DOCK9: variants seen among roughly 807,000 people sequenced by gnomAD.
DOCK9 encodes dedicator of cytokinesis protein 9.
In DOCK9, 89 loss-of-function variants were observed where a neutral mutation model predicts 263.3. The observed-to-expected ratio is 0.34, with a 90% CI of 0.28 to 0.40. The LOEUF is 0.40. DOCK9 is among the 10% of genes least tolerant of loss of function. DOCK9 has a pLI of 1.00. For synonymous variants in DOCK9, 976 were observed against 973.1 expected (o/e 1.00, Z -0.06); for missense variants, 2,140 against 2,603.4 (o/e 0.82, Z 3.87).
intron 1 of DOCK9, among the ~76,000 whole-genome samples, chr13:99,001,298 G>A (rs1286816346): frequency 2.0e-5 from 3 of 152,170 alleles, no homozygotes; most frequent in Non-Finnish European, 2.9e-5. Flanking sequence ...GGGACTTTAG[G>A]TAAAGTAGTT....
chr13:98,891,778 T>G (rs549462787), intron 15 of DOCK9, among the ~76,000 whole-genome samples: 1 of 152,122 alleles, frequency 6.6e-6, no homozygotes, highest in Non-Finnish European at 1.5e-5. Context: ...TTTCTGAGTT[T>G]AGTTCCATAT....
At chr13:98,963,083 C>CACTGAT (rs1215618469) in intron 1 of DOCK9, among the ~76,000 whole-genome samples, 3 of 152,090 alleles carry the variant, frequency 2.0e-5, no homozygotes, top group Non-Finnish European at 4.4e-5. Flanking sequence ...ACAGGTGAGC[C>CACTGAT]ACTGATACCG....
chr13:98,951,637 C>G (rs898818391), intron 2 of DOCK9, among the ~76,000 whole-genome samples: 2 of 152,198 alleles, frequency 1.3e-5, no homozygotes, highest in Non-Finnish European at 2.9e-5. Context: ...GGAATTGAGA[C>G]AGTGGGGGGA....
intron 36 of DOCK9, 89 bp from the exon 37 acceptor site, chr13:98,848,728 T>C: frequency 7.6e-7 from 1 of 1,316,170 alleles, no homozygotes; most frequent in Non-Finnish European, 1.1e-6. Context: ...ACAAATTCAA[T>C]AAACATTATG....
At chr13:98,956,057 A>AC (rs2058022894) in intron 1 of DOCK9, among the ~76,000 whole-genome samples, 3 of 152,204 alleles carry the variant, frequency 2.0e-5, no homozygotes, top group Non-Finnish European at 4.4e-5. Context: ...AGATATCTAT[A>AC]CTTAATATGT....
chr13:99,032,017 A>G (rs1887392824), intron 1 of DOCK9, among the ~76,000 whole-genome samples: 1 of 152,188 alleles, frequency 6.6e-6, no homozygotes, highest in Non-Finnish European at 1.5e-5. Context: ...ATATTATGTA[A>G]CCAAAGAAAC....
intron 50 of DOCK9, 66 bp downstream of exon 50, chr13:98,800,222 G>T (rs905219891): frequency 6.1e-6 from 9 of 1,478,588 alleles, no homozygotes; most frequent in South Asian, 5.4e-5. Flanking sequence ...TAGTGGAAAC[G>T]ACTCTCAAGT....
intron 1 of DOCK9, among the ~76,000 whole-genome samples, chr13:99,008,231 T>TATATAC (rs1883785625): frequency 8.8e-6 from 1 of 113,370 alleles, no homozygotes. Flanking sequence ...TATATATATA[T>TATATAC]ATATTTTTTT....
chr13:98,910,658 A>G (rs1339708879), intron 9 of DOCK9, among the ~76,000 whole-genome samples: 1 of 152,164 alleles, frequency 6.6e-6, no homozygotes, highest in Non-Finnish European at 1.5e-5. Flanking sequence ...AGGAGGTTAG[A>G]GGAGCTGATT....
intron 1 of DOCK9, among the ~76,000 whole-genome samples, chr13:98,990,573 T>C (rs903448232): frequency 2.0e-5 from 3 of 152,232 alleles, no homozygotes; most frequent in Admixed American, 6.5e-5. Flanking sequence ...TCTAGATTAA[T>C]TGCAAGAGAC....
Position 98,825,006 on chromosome 13 carries a change from C to T in DOCK9, c.5024-502G>A, listed in dbSNP as rs535132466. On this transcript the variant is annotated intron_variant, in intron 44 of 52. Transcript: ENST00000682017. This position sits in a 1 kb window ranked among gnomAD's most constrained non-coding sequence, Gnocchi z 4.1. ...TCCCCACACAACCCAGGTGTAGCTT[C>T]GTAGCCATAATGGTGAGCAGACAGG... 9.2e-5 allele frequency among the ~76,000 whole-genome samples: 14 copies of T among 152,304 alleles called. No individual in the cohort carries two copies. The highest frequency in any genetic ancestry group is 3.1e-4 in the African/African-American group (13 of 41,572).
At chr13:98,799,691 A>G (rs2089877585) in intron 50 of DOCK9, among the ~76,000 whole-genome samples, 1 of 152,358 alleles carries the variant, frequency 6.6e-6, no homozygotes, top group Non-Finnish European at 1.5e-5. Context: ...TAACATATAC[A>G]AAAATCAATT....
chr13:98,952,981 T>C (rs1415740848), intron 2 of DOCK9, among the ~76,000 whole-genome samples: 1 of 152,220 alleles, frequency 6.6e-6, no homozygotes, highest in Non-Finnish European at 1.5e-5. Flanking sequence ...CCTCTGCCTC[T>C]AATAATACAA....
chr13:98,914,393 C>A lies in DOCK9; in HGVS notation c.895G>T (p.Asp299Tyr), dbSNP rs1277016798. The A allele has an allele frequency of 6.2e-7, 1 of 1,606,892 alleles. No homozygotes were observed. Among genetic ancestry groups the A allele is most frequent in the East Asian group, 2.2e-5 (1 of 44,702 alleles). The change falls in exon 9 of 53, where the codon GAT (aspartate) becomes TAT (tyrosine). Residue 299 changes from aspartate to tyrosine, a missense_variant and splice_region_variant. Transcript: ENST00000682017. ...GAACCTTCCAATTTGCTTTGTTCAT[C>A]ATCTAAAATGGCAAAACAGATTATC... Reference protein sequence around the residue: ...EKRNGDSHEDDEQSKLEGSGS... With the variant: ...EKRNGDSHEDYEQSKLEGSGS...
chr13:99,039,185 A>G (rs1464775972), intron 1 of DOCK9, among the ~76,000 whole-genome samples: 2 of 152,226 alleles, frequency 1.3e-5, no homozygotes, highest in African/African-American at 4.8e-5. Context: ...CAAATAAAAT[A>G]CTTTTTGAAG....
At chr13:99,009,340 A>T (rs1884061457) in intron 1 of DOCK9, among the ~76,000 whole-genome samples, 1 of 152,148 alleles carries the variant, frequency 6.6e-6, no homozygotes, top group African/African-American at 2.4e-5. Flanking sequence ...CAAAACAGAC[A>T]ACAAAACCCA....
At chr13:99,028,313 C>T (rs1886988410) in intron 1 of DOCK9, among the ~76,000 whole-genome samples, 2 of 152,092 alleles carry the variant, frequency 1.3e-5, no homozygotes, top group East Asian at 1.9e-4. Flanking sequence ...GGAAGGACCA[C>T]GGCTTCCTTC....
chr13:98,844,864 C>T (rs2093341879), intron 38 of DOCK9, among the ~76,000 whole-genome samples: 1 of 152,130 alleles, frequency 6.6e-6, no homozygotes. Flanking sequence ...TGTGAAAAAT[C>T]ACAGCGAATG....
chr13:98,822,956 T>C (rs2092357192), intron 45 of DOCK9, among the ~76,000 whole-genome samples: 1 of 152,112 alleles, frequency 6.6e-6, no homozygotes, highest in Non-Finnish European at 1.5e-5. Context: ...CCTTCGTAGA[T>C]TTTAAGAATT....
Sources: allele counts gnomAD v4.1 joint callset (sites outside exome capture counted in the v4.1 genomes callset), GRCh38; gene constraint gnomAD v4.1.1; non-coding constraint Gnocchi (gnomAD v3.1); transcripts MANE v1.5; gene names NCBI Gene and HGNC (gene_info 2026-07-23, HGNC 2026-07-21).